The following CRAT variants were observed in gnomAD, a reference collection of about 807,000 sequenced individuals.
The protein encoded by CRAT is carnitine acetylase.
A neutral mutation model predicts 73.7 loss-of-function variants in CRAT; 66 were observed. The ratio of observed to expected loss-of-function variants is 0.90; its 90% CI spans 0.73 to 1.10. The LOEUF (loss-of-function observed/expected upper bound fraction) is 1.10, where lower values mean the gene tolerates loss of function less well. CRAT is among the 50% of genes least tolerant of loss of function. The probability of loss-of-function intolerance (pLI) is 0.00; values close to 1 mark genes in which losing one functional copy is unlikely to be tolerated. For missense variants in CRAT, 745 were observed against 846.9 expected (o/e 0.88, Z 1.49); for synonymous variants, 321 against 343.2 (o/e 0.94, Z 0.71).
chr9:129,096,826 T>A (rs542095628), intron 12 of CRAT, among the ~76,000 whole-genome samples: 1 of 152,168 alleles, frequency 6.6e-6, no homozygotes, highest in Non-Finnish European at 1.5e-5. Context: ...CCCAGCACTT[T>A]GGGAGCCTGA....
intron 1 of CRAT, among the ~76,000 whole-genome samples, chr9:129,109,815 C>T (rs944538436): frequency 6.6e-6 from 1 of 151,556 alleles, no homozygotes; most frequent in African/African-American, 2.4e-5. Context: ...TGAAATTAGG[C>T]TAGCATCCGG....
chr9:129,095,907 G>T, intron 13 of CRAT, 91 bp downstream of exon 13: 7 of 1,540,288 alleles, frequency 4.5e-6, no homozygotes, highest in Non-Finnish European at 6.2e-6. Flanking sequence ...AGCTGTGTTG[G>T]CAATGGGTCA....
chr9:129,098,398 G>A lies in CRAT; in HGVS notation c.1206-27C>T, dbSNP rs375358081. 252 of 1,611,168 alleles carry A rather than the reference G, an allele frequency of 1.6e-4. 1 individual carries two copies. The highest frequency in any genetic ancestry group is 2.0e-4 in the Non-Finnish European group (233 of 1,178,322). On this transcript the variant is annotated intron_variant, in intron 9 of 13. Coordinates refer to ENST00000318080, the MANE Select transcript of CRAT (RefSeq NM_000755.5). ...TGGGGGTGTGGGAAGAGCAGGTGAGGAGCAGGCCCCGGCAGCCCCTGCCAA... is the reference window on the plus strand; with the variant it reads ...TGGGGGTGTGGGAAGAGCAGGTGAGAAGCAGGCCCCGGCAGCCCCTGCCAA...
At chr9:129,104,132 C>A (rs1047522907) in intron 3 of CRAT, 56 bp downstream of exon 3, 1 of 1,363,754 alleles carries the variant, frequency 7.3e-7, no homozygotes, top group South Asian at 1.3e-5. Context: ...AGCGGCTGGG[C>A]GAAGTGAACT....
At chr9:129,109,319 G>A (rs1428621069) in intron 1 of CRAT, 2 of 1,283,924 alleles carry the variant, frequency 1.6e-6, no homozygotes, top group Non-Finnish European at 2.1e-6. Context: ...ACCAGGAAAA[G>A]GCCATCAGTG....
chr9:129,100,722 T>C (rs1399162309), intron 6 of CRAT, 33 bp from the exon 7 acceptor site: 6 of 1,592,660 alleles, frequency 3.8e-6, no homozygotes, highest in Non-Finnish European at 5.1e-6. Context: ...AGACGCAAAA[T>C]GGGGTCTCAT....
Position 129,110,380 on chromosome 9 carries a change from G to T in CRAT, c.27+103C>A. The T allele has an allele frequency of 8.0e-7, 1 of 1,245,562 alleles. No individual in the cohort carries two copies. The highest frequency in any genetic ancestry group is 1.5e-5 in the South Asian group (1 of 65,180). The allele number at this position is 1,245,562 out of a possible 1,614,324, so 77.2% of individuals were successfully genotyped here. ...GACCCCACCCCATCAGCTGGAGGCC[G>T]GGTCGAACAGCGGCCGCAGGACGCG... On this transcript the variant is annotated intron_variant, in intron 1 of 13. Coordinates refer to ENST00000318080, the MANE Select transcript of CRAT (RefSeq NM_000755.5). This position sits in a 1 kb window ranked among gnomAD's most constrained non-coding sequence, Gnocchi z 5.3.
intron 5 of CRAT, 91 bp downstream of exon 5, chr9:129,102,309 G>A (rs1376193600): frequency 6.5e-7 from 1 of 1,545,410 alleles, no homozygotes; most frequent in Non-Finnish European, 8.9e-7. Flanking sequence ...CACGTGTGCT[G>A]GGGAACCCCA....
At position 129,104,903 on chromosome 9, in the gene CRAT, C is replaced by CTT. The variant is rs36193924; in HGVS notation, c.292-599_292-598dup. Among the ~76,000 whole-genome samples the CTT allele has an allele frequency of 8.9e-4, 92 of 103,468 alleles. 2 individuals are homozygous for CTT. The highest frequency in any genetic ancestry group is 1.5e-3 in the East Asian group (5 of 3,384). The allele number at this position is 103,468 out of a possible 152,430, so 67.9% of individuals were successfully genotyped here. A position where few individuals can be genotyped will look rare whatever the true frequency, so the allele number is the denominator to read the frequency against. ...ACAGGCATGAGCCACTGTGCCCGGT[C>CTT]TTTTTTTTTTTTTTTGAGACGGAGT... On this transcript the variant is annotated intron_variant, in intron 2 of 13. Transcript: ENST00000318080.
intron 8 of CRAT, among the ~76,000 whole-genome samples, chr9:129,098,976 A>T (rs1436449800): frequency 7.2e-6 from 1 of 138,798 alleles, no homozygotes; most frequent in Non-Finnish European, 1.6e-5. Context: ...ACCTTGGCTA[A>T]TTTTTTTCTT....
rs1847616645 is a variant in CRAT at position 129,100,692 on chromosome 9, G to C, written c.806-3C>G. The C allele has an allele frequency of 6.2e-7, 1 of 1,612,436 alleles. No homozygotes were observed. Among genetic ancestry groups the C allele is most frequent in the Non-Finnish European group, 8.5e-7 (1 of 1,179,034 alleles). On this transcript the variant is annotated splice_region_variant and splice_polypyrimidine_tract_variant and intron_variant, in intron 6 of 13. Transcript: ENST00000318080. ...CACGGAATCCCGGTTCACCTTGTCTGCAGGTGGCATGGGGCGGGGAGACGC... is the reference window on the plus strand; with the variant it reads ...CACGGAATCCCGGTTCACCTTGTCTCCAGGTGGCATGGGGCGGGGAGACGC...
In CRAT at chr9:129,110,568, G is replaced by GCGCCGC. The variant is rs11278777; in HGVS notation, c.-65_-60dup. The GCGCCGC allele has an allele frequency of 8.5e-5, 128 of 1,508,060 alleles. No homozygotes were observed. Among genetic ancestry groups the GCGCCGC allele is most frequent in the Non-Finnish European group, 1.1e-4 (124 of 1,132,618 alleles). The allele number at this position is 1,508,060 out of a possible 1,614,324, so 93.4% of individuals were successfully genotyped here. A position where few individuals can be genotyped will look rare whatever the true frequency, so the allele number is the denominator to read the frequency against. The stretch of plus-strand genomic sequence containing the variant: ...CCGCCCCACACACCGGGCAAAGTCC[G>GCGCCGC]CGCCGCCGCCGCCGCGGCTGGGGTC... On this transcript the variant is annotated 5_prime_UTR_variant, in exon 1 of 14. Coordinates refer to ENST00000318080, the MANE Select transcript of CRAT (RefSeq NM_000755.5). This position sits in a 1 kb window ranked among gnomAD's most constrained non-coding sequence, Gnocchi z 5.3.
chr9:129,102,936 G>C, intron 4 of CRAT, 77 bp downstream of exon 4: 5 of 1,369,344 alleles, frequency 3.7e-6, no homozygotes, highest in Non-Finnish European at 5.2e-6. Flanking sequence ...GCCGGGCCAG[G>C]GCTGGGGTCA....
Position 129,100,542 on chromosome 9 carries a change from C to A in CRAT, c.953G>T (p.Ser318Ile). Residue 318 changes from serine to isoleucine, a missense_variant, in exon 7 of 14, where the codon AGC becomes ATC. Transcript: ENST00000318080. ...CGTCTTGTCGAACCAGCGGTTGCCG[C>A]TGTTGAGCCTGCTGCCGCCCCCATG... is the stretch of plus-strand genomic sequence containing the variant. ...MLHGGGSRLN[S>I]GNRWFDKTLQ... The A allele has an allele frequency of 1.9e-6, 3 of 1,613,736 alleles. No homozygotes were observed. The highest frequency in any genetic ancestry group is 2.5e-6 in the Non-Finnish European group (3 of 1,179,968).
At position 129,098,651 on chromosome 9, in the gene CRAT, C is replaced by A. The variant is rs1847449453; in HGVS notation, c.1086-1G>T. ...AGACCGCACAAGCTCGGGTTTCTTC[C>A]TGCACAGTAAACGGGGCCTCAGGCT... On this transcript the variant is annotated splice_acceptor_variant, in intron 8 of 13. Transcript: ENST00000318080. LOFTEE classifies it high-confidence loss of function. 3 of 1,601,746 alleles carry A rather than the reference C, an allele frequency of 1.9e-6. No individual in the cohort carries two copies. Among genetic ancestry groups the A allele is most frequent in the Admixed American group, 1.8e-5 (1 of 55,724 alleles).
Position 129,110,540 on chromosome 9 carries a change from G to A in CRAT, c.-31C>T, listed in dbSNP as rs748122252. ...CTGCCCGTCCGCGGACACGCAGTCC[G>A]CTCCGCCCCACACACCGGGCAAAGT... On this transcript the variant is annotated 5_prime_UTR_variant, in exon 1 of 14. Transcript: ENST00000318080. This position sits in a 1 kb window ranked among gnomAD's most constrained non-coding sequence, Gnocchi z 5.3. 11 of 1,573,130 alleles carry A rather than the reference G, an allele frequency of 7.0e-6. No individual in the cohort carries two copies. In the Admixed American group the frequency reaches 1.6e-4, roughly 23 times the overall value.
rs986565646 is a variant in CRAT at position 129,098,666 on chromosome 9, G to A, written c.1086-16C>T. The A allele has an allele frequency of 3.1e-6, 5 of 1,596,436 alleles. No individual in the cohort carries two copies. Among genetic ancestry groups the A allele is most frequent in the Non-Finnish European group, 3.4e-6 (4 of 1,175,474 alleles). On this transcript the variant is annotated splice_polypyrimidine_tract_variant and intron_variant, in intron 8 of 13. Transcript: ENST00000318080. Reference sequence around the variant, plus strand: ...GGGTTTCTTCCTGCACAGTAAACGGGGCCTCAGGCTCATGCTGGTGCCTCT... The same window carrying A: ...GGGTTTCTTCCTGCACAGTAAACGGAGCCTCAGGCTCATGCTGGTGCCTCT...
rs1293095989 is a variant in CRAT, at chr9:129,098,607, T to C, written c.1129A>G (p.Met377Val). Reference sequence around the variant, plus strand: ...ATGTTGAACCGCAGCTTCTTGGGCATGGGCAGGGGCACCAGGGGAGACCGC... The same window carrying C: ...ATGTTGAACCGCAGCTTCTTGGGCACGGGCAGGGGCACCAGGGGAGACCGC... ...LVRSPLVPLP[M>V]PKKLRFNITP... The change falls in exon 9 of 14, where the codon ATG (methionine) becomes GTG (valine). Residue 377 changes from methionine to valine, a missense_variant. Transcript: ENST00000318080. The C allele has an allele frequency of 3.7e-6, 6 of 1,600,898 alleles. No individual in the cohort carries two copies. Among genetic ancestry groups the C allele is most frequent in the African/African-American group, 2.7e-5 (2 of 73,610 alleles).
Position 129,110,325 on chromosome 9 carries a change from C to A in CRAT, c.27+158G>T, listed in dbSNP as rs896744537. On this transcript the variant is annotated intron_variant, in intron 1 of 13. Transcript: ENST00000318080. The surrounding 1 kb of genome is among the most constrained non-coding windows in gnomAD (Gnocchi z 5.3). ...CGCTTCTGACCTTGCGCCCCAATCT[C>A]CTGCTCTGCCAAACCTGGGACGCCC... 6.6e-6 allele frequency among the ~76,000 whole-genome samples: 1 copy of A among 152,220 alleles called. No individual in the cohort carries two copies. The highest frequency in any genetic ancestry group is 6.5e-5 in the Admixed American group (1 of 15,284).
Sources: gnomAD v4.1 joint callset for allele counts (sites outside exome capture counted in the v4.1 genomes callset) on GRCh38, gnomAD v4.1.1 for gene constraint, Gnocchi (gnomAD v3.1) non-coding constraint, MANE v1.5 for transcripts, NCBI Gene and HGNC (gene_info 2026-07-23, HGNC 2026-07-21) for gene names.